The following ZNF502 variants were observed in gnomAD, a reference collection of about 807,000 sequenced individuals.
ZNF502 encodes zinc finger protein 502.
A neutral mutation model predicts 43.6 loss-of-function variants in ZNF502; 29 were observed. The ratio of observed to expected loss-of-function variants is 0.67; its 90% confidence interval spans 0.50 to 0.91. The LOEUF is 0.91. Ranked by LOEUF, ZNF502 falls within the 40% of genes least tolerant of loss-of-function variation. ZNF502 has a pLI of 0.00. For synonymous variants in ZNF502, 171 were observed against 207.4 expected (o/e 0.82, Z 1.51); for missense variants, 591 against 647.2 (o/e 0.91, Z 0.94).
intron 1 of ZNF502, among the ~76,000 whole-genome samples, chr3:44,713,780 G>GTGT (rs142249896): frequency 0.011 from 1,652 of 152,276 alleles, 28 homozygotes; most frequent in African/African-American, 0.037. Context: ...GGGTTTCACA[G>GTGT]TGTTGGTCAG....
At position 44,722,311 on chromosome 3, in the gene ZNF502, A is replaced by G. The variant is rs1704379195; in HGVS notation, c.1494A>G (p.Lys498=). 6.2e-7 allele frequency: 1 copy of G among 1,614,162 alleles called. No individual in the cohort carries two copies. The highest frequency in any genetic ancestry group is 8.5e-7 in the Non-Finnish European group (1 of 1,180,006). ...TCTATAAATGTAGTGAGTGTGAGAAAACCTTCCGCAAGTATGCACACCTTA... is the reference window on the plus strand; with the variant it reads ...TCTATAAATGTAGTGAGTGTGAGAAGACCTTCCGCAAGTATGCACACCTTA... ...EKLYKCSECE[K]TFRKYAHLSE... The change falls in exon 3 of 3, where the codon AAA becomes AAG. Residue 498 remains lysine (K), a synonymous_variant. Coordinates refer to ENST00000436624, the MANE Select transcript of ZNF502 (RefSeq NM_001134442.3).
Position 44,720,200 on chromosome 3 carries a change from C to T in ZNF502, c.-59-3C>T. On this transcript the variant is annotated splice_region_variant and splice_polypyrimidine_tract_variant and intron_variant, in intron 1 of 2. Coordinates refer to ENST00000436624, the MANE Select transcript of ZNF502 (RefSeq NM_001134442.3). ...TCCCTGCACCTTTTCTCCCCATGAGCAGGGTTCCCAGTTTTCCAGACCTGA... is the reference window on the plus strand; with the variant it reads ...TCCCTGCACCTTTTCTCCCCATGAGTAGGGTTCCCAGTTTTCCAGACCTGA... 3 of 1,584,134 alleles carry T rather than the reference C, an allele frequency of 1.9e-6. No individual in the cohort carries two copies. In the African/African-American group the frequency reaches 4.0e-5, roughly 21 times the overall value.
In ZNF502 at chr3:44,722,695, A is replaced by T. The variant is rs1704396956; in HGVS notation, c.*243A>T. On this transcript the variant is annotated 3_prime_UTR_variant, in exon 3 of 3. Coordinates refer to ENST00000436624, the MANE Select transcript of ZNF502 (RefSeq NM_001134442.3). The stretch of plus-strand genomic sequence containing the variant: ...TTTCAGATAAAGCCTACACATTGCC[A>T]CTGTCTCCCCATGTGACTCTTACAG... 1 of 465,088 alleles carries T rather than the reference A, an allele frequency of 2.2e-6. No homozygotes were observed. 28.8% of individuals were successfully genotyped at this position (465,088 alleles called of 1,614,324 possible).
At position 44,722,694 on chromosome 3, in the gene ZNF502, C is replaced by T; in HGVS notation, c.*242C>T. 1 of 465,998 alleles carries T rather than the reference C, an allele frequency of 2.1e-6. No individual in the cohort carries two copies. Among genetic ancestry groups the T allele is most frequent in the Non-Finnish European group, 3.8e-6 (1 of 264,012 alleles). The allele number at this position is 465,998 out of a possible 1,614,324, so 28.9% of individuals were successfully genotyped here. A position where few individuals can be genotyped will look rare whatever the true frequency, so the allele number is the denominator to read the frequency against. The stretch of plus-strand genomic sequence containing the variant: ...TTTTCAGATAAAGCCTACACATTGC[C>T]ACTGTCTCCCCATGTGACTCTTACA... On this transcript the variant is annotated 3_prime_UTR_variant, in exon 3 of 3. Coordinates refer to ENST00000436624, the MANE Select transcript of ZNF502 (RefSeq NM_001134442.3).
In ZNF502 at chr3:44,722,965, A is replaced by G. The variant is rs1438552749; in HGVS notation, c.*513A>G. 1 of 142,948 alleles carries G rather than the reference A, an allele frequency of 7.0e-6. No individual in the cohort carries two copies. The highest frequency in any genetic ancestry group is 1.5e-5 in the Non-Finnish European group (1 of 65,604). The allele number at this position is 142,948 out of a possible 1,614,324, so 8.9% of individuals were successfully genotyped here. A position where few individuals can be genotyped will look rare whatever the true frequency, so the allele number is the denominator to read the frequency against. On this transcript the variant is annotated 3_prime_UTR_variant, in exon 3 of 3. Coordinates refer to ENST00000436624, the MANE Select transcript of ZNF502 (RefSeq NM_001134442.3). ...GTGGTCCTGTGAAAAGGAGACAGAAACAAGTAAGAGCCAAAAAAAAAAAAA... is the reference window on the plus strand; with the variant it reads ...GTGGTCCTGTGAAAAGGAGACAGAAGCAAGTAAGAGCCAAAAAAAAAAAAA...
In ZNF502 at chr3:44,712,733, A is replaced by C. The variant is rs1433354813; in HGVS notation, c.-67A>C. 1 of 152,302 alleles carries C rather than the reference A, an allele frequency of 6.6e-6. No individual in the cohort carries two copies. The highest frequency in any genetic ancestry group is 2.4e-5 in the African/African-American group (1 of 41,472). 9.4% of individuals were successfully genotyped at this position (152,302 alleles called of 1,614,324 possible). A position where few individuals can be genotyped will look rare whatever the true frequency, so the allele number is the denominator to read the frequency against. On this transcript the variant is annotated 5_prime_UTR_variant, in exon 1 of 3. Transcript: ENST00000436624. ...GCGCCGCTCCGCGGAGAGTCCGTGG[A>C]TCTCACAGTGAGCGAGTTGGGACCC...
At chr3:44,714,728 T>C (rs1230239577) in intron 1 of ZNF502, 2 of 152,260 alleles carry the variant, frequency 1.3e-5, no homozygotes, top group Non-Finnish European at 2.9e-5. Context: ...CTAACCCCTG[T>C]TGAGTGCCTG....
intron 2 of ZNF502, 24 bp downstream of exon 2, chr3:44,720,340 T>C: frequency 6.2e-7 from 1 of 1,612,506 alleles, no homozygotes; most frequent in Non-Finnish European, 8.5e-7. Flanking sequence ...GGACAAGCAG[T>C]GGGAGAAATA....
rs567957376 is a variant in ZNF502 at position 44,720,197 on chromosome 3, G to A, written c.-59-6G>A. On this transcript the variant is annotated splice_region_variant and splice_polypyrimidine_tract_variant and intron_variant, in intron 1 of 2. Transcript: ENST00000436624. ...CCCTCCCTGCACCTTTTCTCCCCAT[G>A]AGCAGGGTTCCCAGTTTTCCAGACC... 6.3e-7 allele frequency: 1 copy of A among 1,581,172 alleles called. No homozygotes were observed. Among genetic ancestry groups the A allele is most frequent in the Admixed American group, 1.7e-5 (1 of 59,952 alleles).
rs1704422620 is a variant in ZNF502, at chr3:44,723,448, C to T, written c.*996C>T. The T allele has an allele frequency of 6.6e-6, 1 of 152,116 alleles. No individual in the cohort carries two copies. The highest frequency in any genetic ancestry group is 1.5e-5 in the Non-Finnish European group (1 of 68,032). The allele number at this position is 152,116 out of a possible 1,614,324, so 9.4% of individuals were successfully genotyped here. A position where few individuals can be genotyped will look rare whatever the true frequency, so the allele number is the denominator to read the frequency against. On this transcript the variant is annotated 3_prime_UTR_variant, in exon 3 of 3. Transcript: ENST00000436624. ...CTAACAATGTCCTAACAAAATGGTACTTAGTTTGTTGGTCTTTAGGAGAAA... is the reference window on the plus strand; with the variant it reads ...CTAACAATGTCCTAACAAAATGGTATTTAGTTTGTTGGTCTTTAGGAGAAA...
intron 2 of ZNF502, 100 bp from the exon 3 acceptor site, chr3:44,720,773 T>A (rs887732772): frequency 1.5e-6 from 2 of 1,354,508 alleles, no homozygotes; most frequent in African/African-American, 1.5e-5. Context: ...CCCTTCATCA[T>A]AGGCCATTAC....
rs779986745 is a variant in ZNF502, at chr3:44,720,998, T to C, written c.181T>C (p.Cys61Arg). 15 of 1,614,018 alleles carry C rather than the reference T, an allele frequency of 9.3e-6. No homozygotes were observed. Among genetic ancestry groups the C allele is most frequent in the African/African-American group, 1.3e-5 (1 of 74,912 alleles). Residue 61 changes from cysteine to arginine, a missense_variant, in exon 3 of 3, where the codon TGT becomes CGT. Cys to Arg is a radical substitution (Grantham distance 180). Transcript: ENST00000436624. ...QDSTFEEKYA[C>R]EGMKENSPRE... The stretch of plus-strand genomic sequence containing the variant: ...TTCTACATTTGAAGAAAAATATGCA[T>C]GTGAGGGCATGAAGGAAAACTCTCC...
In ZNF502 at chr3:44,715,731, G is replaced by A. The variant is rs532812880; in HGVS notation, c.-60+2991G>A. Among the ~76,000 whole-genome samples the A allele has an allele frequency of 2.6e-5, 4 of 151,800 alleles. No individual in the cohort carries two copies. In the South Asian group the frequency reaches 8.3e-4, roughly 32 times the overall value. ...ATTTTTAATTTTTAATTTTTGAGAG[G>A]GATCTCACTCTGTCACCCAGGTTGG... On this transcript the variant is annotated intron_variant, in intron 1 of 2. Coordinates refer to ENST00000436624, the MANE Select transcript of ZNF502 (RefSeq NM_001134442.3).
chr3:44,721,120 A>T lies in ZNF502; in HGVS notation c.303A>T (p.Gly101=). The T allele has an allele frequency of 6.2e-7, 1 of 1,614,236 alleles. No individual in the cohort carries two copies. Among genetic ancestry groups the T allele is most frequent in the Non-Finnish European group, 8.5e-7 (1 of 1,180,044 alleles). ...KEAPPEIISQ[G]YNFEKSLLLT... ...CACCCCCTGAAATTATTAGTCAAGG[A>T]TATAATTTTGAGAAAAGCTTGCTTT... Residue 101 remains glycine (G), a synonymous_variant, in exon 3 of 3, where the codon GGA becomes GGT. Coordinates refer to ENST00000436624, the MANE Select transcript of ZNF502 (RefSeq NM_001134442.3).
chr3:44,718,404 G>A (rs1575540167), intron 1 of ZNF502, among the ~76,000 whole-genome samples: 7 of 152,276 alleles, frequency 4.6e-5, no homozygotes, highest in Admixed American at 6.5e-5. Flanking sequence ...AGAGGAATAT[G>A]TTTCCTTAAA....
chr3:44,715,359 A>T (rs568170119), intron 1 of ZNF502, among the ~76,000 whole-genome samples: 1 of 152,086 alleles, frequency 6.6e-6, no homozygotes, highest in Non-Finnish European at 1.5e-5. Flanking sequence ...ATCAATGTTT[A>T]TTTGCCTGTT....
chr3:44,721,550 G>C lies in ZNF502; in HGVS notation c.733G>C (p.Gly245Arg). The C allele has an allele frequency of 6.2e-7, 1 of 1,607,576 alleles. No homozygotes were observed. Among genetic ancestry groups the C allele is most frequent in the Non-Finnish European group, 8.5e-7 (1 of 1,176,044 alleles). Residue 245 changes from glycine (G) to arginine (R), a missense_variant, in exon 3 of 3, where the codon GGG (glycine) becomes CGG (arginine). Physicochemically the swap from Gly to Arg is moderately radical, Grantham distance 125 (BLOSUM62 -2). Coordinates refer to ENST00000436624, the MANE Select transcript of ZNF502 (RefSeq NM_001134442.3). ...GEKPYKCNEC[G>R]NSFRNHSHLT... ...GAAACCTTATAAATGCAATGAATGT[G>C]GGAATTCCTTCCGCAATCACTCACA...
At chr3:44,714,158 A>C (rs906823923) in intron 1 of ZNF502, among the ~76,000 whole-genome samples, 1 of 152,188 alleles carries the variant, frequency 6.6e-6, no homozygotes, top group Non-Finnish European at 1.5e-5. Flanking sequence ...AGGAGGTGGC[A>C]TCTGGGGAAA....
At chr3:44,717,719 C>T (rs1030177984) in intron 1 of ZNF502, among the ~76,000 whole-genome samples, 1 of 152,132 alleles carries the variant, frequency 6.6e-6, no homozygotes, top group Non-Finnish European at 1.5e-5. Context: ...CCAATGCAAT[C>T]ATATTAATAG....
Sources: gnomAD v4.1 joint callset for allele counts (sites outside exome capture counted in the v4.1 genomes callset) on GRCh38, gnomAD v4.1.1 for gene constraint, MANE v1.5 for transcripts, NCBI Gene and HGNC (gene_info 2026-07-23, HGNC 2026-07-21) for gene names.